GRIA1: variants seen among roughly 807,000 people sequenced by gnomAD.
The protein encoded by GRIA1 is glutamate ionotropic receptor AMPA type subunit 1.
Under a neutral mutation model 99.2 loss-of-function variants are expected in GRIA1, and 31 were observed. That is an observed-to-expected ratio of 0.31 (90% CI 0.23 to 0.42). The LOEUF is 0.42. Among genes scored for constraint, GRIA1 ranks in the 10% least tolerant of loss-of-function variants. The probability of loss-of-function intolerance (pLI) is 1.00; values close to 1 mark genes in which losing one functional copy is unlikely to be tolerated. For synonymous variants in GRIA1, 438 were observed against 432.4 expected, an observed-to-expected ratio of 1.01 and a Z score of -0.16; for missense variants, 782 against 1,157.5, an observed-to-expected ratio of 0.68 and a Z score of 4.71.
chr5:153,600,101 T>C (rs1561677133), intron 2 of GRIA1, among the ~76,000 whole-genome samples: 1 of 151,874 alleles, frequency 6.6e-6, no homozygotes, highest in African/African-American at 2.4e-5. Flanking sequence ...AATAGAAGTA[T>C]GGAGTCTGGA....
intron 2 of GRIA1, among the ~76,000 whole-genome samples, chr5:153,614,263 C>A (rs1182696346): frequency 6.6e-6 from 1 of 152,076 alleles, no homozygotes; most frequent in Non-Finnish European, 1.5e-5. Context: ...GAAGACAAGC[C>A]CTATAAGGAC....
intron 2 of GRIA1, among the ~76,000 whole-genome samples, chr5:153,571,171 A>T (rs1183815101): frequency 1.3e-5 from 2 of 152,210 alleles, no homozygotes; most frequent in African/African-American, 4.8e-5. Flanking sequence ...TGCCAGCAGC[A>T]AACCAACCTC....
chr5:153,510,320 T>G (rs1382545112), intron 2 of GRIA1, among the ~76,000 whole-genome samples: 1 of 151,290 alleles, frequency 6.6e-6, no homozygotes, highest in African/African-American at 2.4e-5. Flanking sequence ...AGAACCTGAC[T>G]TTTTTTTTGG....
intron 2 of GRIA1, among the ~76,000 whole-genome samples, chr5:153,564,128 T>G (rs1223591170): frequency 1.3e-5 from 2 of 152,130 alleles, no homozygotes; most frequent in Non-Finnish European, 2.9e-5. Flanking sequence ...TGCCAATGCT[T>G]CAGAAATGAT....
chr5:153,733,951 C>T (rs1278243613), intron 11 of GRIA1, among the ~76,000 whole-genome samples: 2 of 152,108 alleles, frequency 1.3e-5, no homozygotes, highest in African/African-American at 2.4e-5. Context: ...GATAACTTAT[C>T]CACAGAAAAA....
At chr5:153,698,351 T>G (rs535595724) in intron 9 of GRIA1, among the ~76,000 whole-genome samples, 197 bp downstream of exon 9, 11 of 152,222 alleles carry the variant, frequency 7.2e-5, no homozygotes, top group Non-Finnish European at 1.3e-4. Context: ...CACTGTCTCA[T>G]CCTTTGTACC....
intron 11 of GRIA1, among the ~76,000 whole-genome samples, chr5:153,709,051 C>G (rs79961140): frequency 0.022 from 3,419 of 152,322 alleles, 117 homozygotes; most frequent in African/African-American, 0.07. Flanking sequence ...TATACTTCAT[C>G]TTACCTTGAA....
At chr5:153,771,237 A>G (rs76075111) in intron 13 of GRIA1, among the ~76,000 whole-genome samples, 2,410 of 152,346 alleles carry the variant, frequency 0.016, 49 homozygotes, top group African/African-American at 0.054. Context: ...AAGGTCACTG[A>G]AAACAGTACA....
chr5:153,604,822 C>G (rs1043088093), intron 2 of GRIA1, among the ~76,000 whole-genome samples: 2 of 152,128 alleles, frequency 1.3e-5, no homozygotes, highest in Non-Finnish European at 2.9e-5. Flanking sequence ...TTAAAGTTAA[C>G]AGTTTCTGTC....
At chr5:153,754,859 C>T (rs1762724866) in intron 11 of GRIA1, among the ~76,000 whole-genome samples, 1 of 152,148 alleles carries the variant, frequency 6.6e-6, no homozygotes, top group African/African-American at 2.4e-5. Context: ...CCTTTGCTTT[C>T]ATGGAGCTTA....
chr5:153,807,631 G>C (rs1033427954), intron 15 of GRIA1, among the ~76,000 whole-genome samples: 1 of 152,230 alleles, frequency 6.6e-6, no homozygotes, highest in Non-Finnish European at 1.5e-5. Flanking sequence ...TGATATGTGA[G>C]AGTGGGAGAC....
At chr5:153,702,402 C>T (rs999863373) in intron 10 of GRIA1, among the ~76,000 whole-genome samples, 1 of 152,206 alleles carries the variant, frequency 6.6e-6, no homozygotes, top group Non-Finnish European at 1.5e-5. Context: ...CGGGGCCACC[C>T]CTGTGAAACA....
intron 11 of GRIA1, among the ~76,000 whole-genome samples, chr5:153,754,021 G>A (rs1762662393): frequency 6.6e-6 from 1 of 152,194 alleles, no homozygotes; most frequent in Non-Finnish European, 1.5e-5. Flanking sequence ...GTTTCTCACA[G>A]TGAAGGAGGG....
chr5:153,525,496 A>G (rs574758694), intron 2 of GRIA1: 1 of 152,210 alleles, frequency 6.6e-6, no homozygotes, highest in African/African-American at 2.4e-5. Context: ...GTACCACAAA[A>G]TTAAAAATAA....
In GRIA1 at chr5:153,587,455, A is replaced by G. The variant is rs530485835; in HGVS notation, c.221-59473A>G. Among the ~76,000 whole-genome samples, 10 of 152,276 alleles carry G rather than the reference A, an allele frequency of 6.6e-5. No homozygotes were observed. In the East Asian group the frequency reaches 1.9e-3, roughly 29 times the overall value. ...CTCAGGTATTTCTTTACAGCAGTGC[A>G]AGAACAGCCTAACACATAGTGAGTG... On this transcript the variant is annotated intron_variant, in intron 2 of 15. Transcript: ENST00000285900.
intron 2 of GRIA1, among the ~76,000 whole-genome samples, chr5:153,505,445 G>A (rs776242965): frequency 6.6e-6 from 1 of 152,218 alleles, no homozygotes; most frequent in Non-Finnish European, 1.5e-5. Flanking sequence ...GTTTGAAGCA[G>A]AGATTATGAG....
intron 11 of GRIA1, among the ~76,000 whole-genome samples, chr5:153,748,160 A>G (rs1022714282): frequency 6.6e-6 from 1 of 152,242 alleles, no homozygotes; most frequent in African/African-American, 2.4e-5. Flanking sequence ...AAGATCACAT[A>G]TACTTTGATA....
In GRIA1 at chr5:153,666,760, GCA is replaced by G. The variant is rs202188969; in HGVS notation, c.700-7737_700-7736del. Among the ~76,000 whole-genome samples, 778 of 152,264 alleles carry G rather than the reference GCA, an allele frequency of 5.1e-3. 7 individuals carry two copies. Among genetic ancestry groups the G allele is most frequent in the African/African-American group, 0.018 (731 of 41,558 alleles). On this transcript the variant is annotated intron_variant, in intron 5 of 15. Transcript: ENST00000285900. ...TGAGATAACACAAATAAAGTACTTA[GCA>G]CAGTTTCTACTACACAGTACAGGTT...
At chr5:153,782,771 C>G (rs891013130) in intron 13 of GRIA1, among the ~76,000 whole-genome samples, 1 of 152,108 alleles carries the variant, frequency 6.6e-6, no homozygotes, top group African/African-American at 2.4e-5. Context: ...AACAGCCAGG[C>G]GGAAGACGGG....
Sources: gnomAD v4.1 joint callset for allele counts (sites outside exome capture counted in the v4.1 genomes callset) on GRCh38, gnomAD v4.1.1 for gene constraint, MANE v1.5 for transcripts, NCBI Gene and HGNC (gene_info 2026-07-23, HGNC 2026-07-21) for gene names.